The following LONP2 variants were observed in gnomAD, a reference collection of about 807,000 sequenced individuals.
LONP2 encodes the protein lon protease homolog 2, peroxisomal.
In LONP2, 60 loss-of-function variants were observed where a neutral mutation model predicts 85.6. That is an observed-to-expected ratio of 0.70 (90% CI 0.57 to 0.87). The LOEUF is 0.87. Among genes scored for constraint, LONP2 ranks in the 40% least tolerant of loss-of-function variants. The pLI is 0.00. For missense variants in LONP2, 860 were observed against 1,063.5 expected, an observed-to-expected ratio of 0.81 and a Z score of 2.66; for synonymous variants, 395 against 389.7, an observed-to-expected ratio of 1.01 and a Z score of -0.16.
intron 2 of LONP2, 120 bp from the exon 3 acceptor site, chr16:48,256,490 C>G (rs1434510284): frequency 8.3e-6 from 8 of 958,228 alleles, no homozygotes; most frequent in Non-Finnish European, 1.3e-5. Context: ...CTATATTAAT[C>G]AGTGATCTTT....
At chr16:48,360,067 A>G (rs1313558428), downstream of LONP2, among the ~76,000 whole-genome samples, 1 of 152,236 alleles carries the variant, frequency 6.6e-6, no homozygotes, top group African/African-American at 2.4e-5. Flanking sequence ...TTCAGGTAAC[A>G]TACCTGTACC....
chr16:48,345,019 C>G (rs549930225), intron 12 of LONP2: 3 of 151,942 alleles, frequency 2.0e-5, no homozygotes, highest in Non-Finnish European at 4.4e-5. Context: ...GTCAGGAATT[C>G]GAGACCAGCC....
chr16:48,302,112 T>G (rs886702554), intron 10 of LONP2, among the ~76,000 whole-genome samples: 4 of 152,242 alleles, frequency 2.6e-5, no homozygotes, highest in African/African-American at 9.6e-5. Flanking sequence ...TTTTAAAGAT[T>G]ATTCTCTTCC....
At chr16:48,264,941 A>G (rs1971959345) in intron 6 of LONP2, among the ~76,000 whole-genome samples, 1 of 152,048 alleles carries the variant, frequency 6.6e-6, no homozygotes, top group Non-Finnish European at 1.5e-5. Flanking sequence ...ACCTTCACTG[A>G]TGATGGTTTT....
At position 48,347,730 on chromosome 16, in the gene LONP2, C is replaced by G. The variant is rs147541309; in HGVS notation, c.2146+16C>G. ...CTGACCAATGGTAGGAGCCTGCACC[C>G]GGCCAGGCAGGCGTGACCCAGGAGG... On this transcript the variant is annotated intron_variant, in intron 13 of 14. Coordinates refer to ENST00000285737, the MANE Select transcript of LONP2 (RefSeq NM_031490.5). The G allele has an allele frequency of 1.9e-6, 3 of 1,606,076 alleles. No homozygotes were observed. Among genetic ancestry groups the G allele is most frequent in the African/African-American group, 1.3e-5 (1 of 74,798 alleles).
Position 48,348,299 on chromosome 16 carries a change from G to GA in LONP2, c.2337+15dup, listed in dbSNP as rs1169243114. ...GAGGTCTTGTTCTTCCAGTAAGTATGAAAAAACAATTTATATGGTTATTTT... is the reference window on the plus strand; with the variant it reads ...GAGGTCTTGTTCTTCCAGTAAGTATGAAAAAAACAATTTATATGGTTATTTT... On this transcript the variant is annotated intron_variant, in intron 14 of 14. Transcript: ENST00000285737. 2.8e-6 allele frequency: 4 copies of GA among 1,416,722 alleles called. No homozygotes were observed. Among genetic ancestry groups the GA allele is most frequent in the African/African-American group, 1.5e-5 (1 of 67,094 alleles). The allele number at this position is 1,416,722 out of a possible 1,614,324, so 87.8% of individuals were successfully genotyped here. A position where few individuals can be genotyped will look rare whatever the true frequency, so the allele number is the denominator to read the frequency against.
At chr16:48,342,393 C>G (rs1360928402) in intron 12 of LONP2, among the ~76,000 whole-genome samples, 1 of 152,182 alleles carries the variant, frequency 6.6e-6, no homozygotes, top group Non-Finnish European at 1.5e-5. Context: ...TAAACACCAA[C>G]TAAATGCCTC....
At chr16:48,312,133 C>T (rs890545620) in intron 11 of LONP2, among the ~76,000 whole-genome samples, 6 of 150,472 alleles carry the variant, frequency 4.0e-5, no homozygotes, top group South Asian at 2.1e-4. Flanking sequence ...AGTAGAGATG[C>T]GGTTTCACCT....
At chr16:48,309,099 C>G (rs1009524476) in intron 11 of LONP2, among the ~76,000 whole-genome samples, 1 of 152,044 alleles carries the variant, frequency 6.6e-6, no homozygotes, top group African/African-American at 2.4e-5. Flanking sequence ...CTATGAGATA[C>G]CATCTTATAC....
intron 7 of LONP2, among the ~76,000 whole-genome samples, chr16:48,276,577 C>T (rs569454454): frequency 1.3e-5 from 2 of 152,268 alleles, no homozygotes; most frequent in South Asian, 2.1e-4. Flanking sequence ...TTTCATGCCA[C>T]ACTCTACATC....
Position 48,258,647 on chromosome 16 carries a change from G to T in LONP2, c.630G>T (p.Arg210=). 6.2e-7 allele frequency: 1 copy of T among 1,607,286 alleles called. No homozygotes were observed. Among genetic ancestry groups the T allele is most frequent in the Non-Finnish European group, 8.5e-7 (1 of 1,177,328 alleles). The change falls in exon 4 of 15, where the codon CGG becomes CGT. Residue 210 remains arginine, a synonymous_variant. Coordinates refer to ENST00000285737, the MANE Select transcript of LONP2 (RefSeq NM_031490.5). ...QILDAVSLEE[R]FKMTIPLLVR... is the part of the protein sequence containing the mutation. ...TAGATGCTGTGAGCCTAGAGGAGCG[G>T]TTCAAGATGACTATACCACTGCTTG...
chr16:48,325,904 C>G (rs2151018767), intron 11 of LONP2, among the ~76,000 whole-genome samples: 1 of 152,312 alleles, frequency 6.6e-6, no homozygotes, highest in African/African-American at 2.4e-5. Context: ...TCTCCACATC[C>G]ACACCAACTA....
At chr16:48,360,068 T>C (rs1017145311), downstream of LONP2, among the ~76,000 whole-genome samples, 2 of 152,212 alleles carry the variant, frequency 1.3e-5, no homozygotes, top group African/African-American at 4.8e-5. Flanking sequence ...TCAGGTAACA[T>C]ACCTGTACCC....
Position 48,288,877 on chromosome 16 carries a change from A to G in LONP2, c.1384-7138A>G, listed in dbSNP as rs943502707. 2.0e-5 allele frequency among the ~76,000 whole-genome samples: 3 copies of G among 152,196 alleles called. No homozygotes were observed. The East Asian group carries it at 5.8e-4, about 29-fold the overall frequency. On this transcript the variant is annotated intron_variant, in intron 8 of 14. Coordinates refer to ENST00000285737, the MANE Select transcript of LONP2 (RefSeq NM_031490.5). ...ATTCAGTCCATAACAAAGGACATAT[A>G]TAATAGATACATAATATATATGTAC... is the stretch of plus-strand genomic sequence containing the variant.
chr16:48,324,457 A>G (rs12446160), intron 11 of LONP2, among the ~76,000 whole-genome samples: 70,595 of 152,064 alleles, frequency 0.46, 20,286 homozygotes, highest in African/African-American at 0.81. Context: ...CCGTCTCCAC[A>G]TTCCATTTTG....
intron 12 of LONP2, among the ~76,000 whole-genome samples, chr16:48,346,739 C>G (rs1346652634): frequency 3.3e-5 from 5 of 152,080 alleles, no homozygotes; most frequent in African/African-American, 1.2e-4. Context: ...CAGGCATGAG[C>G]CACTCTGCAT....
rs537522783 is a variant in LONP2, at chr16:48,338,915, TAAAATA to T, written c.1938+4561_1938+4566del. On this transcript the variant is annotated intron_variant, in intron 12 of 14. Transcript: ENST00000285737. The stretch of plus-strand genomic sequence containing the variant: ...AGAACAAGACCCTGTCTCAAAAAAA[TAAAATA>T]AAAGTTAGAAATATCTGTGAGGCAT... 1.8e-4 allele frequency among the ~76,000 whole-genome samples: 28 copies of T among 151,938 alleles called. No homozygotes were observed. In the East Asian group the frequency reaches 5.4e-3, roughly 29 times the overall value.
chr16:48,277,599 T>G (rs1381693893), intron 8 of LONP2, 120 bp downstream of exon 8: 2 of 982,200 alleles, frequency 2.0e-6, no homozygotes, highest in Non-Finnish European at 2.9e-6. Context: ...AACAGTTTGA[T>G]ACCGGCTGAG....
intron 4 of LONP2, among the ~76,000 whole-genome samples, chr16:48,259,531 T>A (rs1259872574): frequency 6.6e-6 from 1 of 152,202 alleles, no homozygotes; most frequent in Non-Finnish European, 1.5e-5. Flanking sequence ...TCTGAAGGTG[T>A]TGAGATGCAG....
Sources: gnomAD v4.1 joint callset for allele counts (sites outside exome capture counted in the v4.1 genomes callset) on GRCh38, gnomAD v4.1.1 for gene constraint, MANE v1.5 for transcripts, NCBI Gene and HGNC (gene_info 2026-07-23, HGNC 2026-07-21) for gene names.